ITSN2: variants seen among roughly 807,000 people sequenced by gnomAD.
The protein encoded by ITSN2 is intersectin-2.
Under a neutral mutation model 243.7 loss-of-function variants are expected in ITSN2, and 156 were observed. The ratio of observed to expected loss-of-function variants is 0.64; its 90% CI spans 0.56 to 0.73. The LOEUF (loss-of-function observed/expected upper bound fraction) is 0.73, where lower values mean the gene tolerates loss of function less well. Ranked by LOEUF, ITSN2 falls within the 30% of genes least tolerant of loss-of-function variation. ITSN2 has a pLI of 0.00. For synonymous variants in ITSN2, 703 were observed against 699.9 expected (o/e 1.00, Z -0.07); for missense variants, 1,801 against 1,996.1 (o/e 0.90, Z 1.86).
chr2:24,261,307 A>T, intron 21 of ITSN2, 57 bp from the exon 22 acceptor site: 6 of 1,270,074 alleles, frequency 4.7e-6, no homozygotes, highest in Non-Finnish European at 6.7e-6. Flanking sequence ...TTAATGAAGT[A>T]CTACCAATTT....
In ITSN2 at chr2:24,210,032, TG is replaced by T. The variant is rs1243304393; in HGVS notation, c.4258del (p.Gln1420AsnfsTer76). 1 of 1,611,190 alleles carries T rather than the reference TG, an allele frequency of 6.2e-7. No individual in the cohort carries two copies. The highest frequency in any genetic ancestry group is 8.5e-7 in the Non-Finnish European group (1 of 1,177,826). ...AHVQCEGLAE[Q>X]LIFNSLTNCL... Reference sequence around the variant, plus strand: ...GTTGGTGAGAGAGTTGAAAATAAGTTGCTTAAAGAGAAAGAAAATTTCACTT... The same window carrying T: ...GTTGGTGAGAGAGTTGAAAATAAGTTCTTAAAGAGAAAGAAAATTTCACTT... On this transcript the variant is annotated frameshift_variant and splice_region_variant, in exon 35 of 40. Coordinates refer to ENST00000355123, the MANE Select transcript of ITSN2 (RefSeq NM_006277.3). LOFTEE classifies it high-confidence loss of function.
At chr2:24,281,804 A>C (rs1489005346) in intron 17 of ITSN2, among the ~76,000 whole-genome samples, 4 of 152,202 alleles carry the variant, frequency 2.6e-5, no homozygotes, top group African/African-American at 9.6e-5. Flanking sequence ...ACCTTGCCTC[A>C]TTAGGCCATC....
chr2:24,328,282 G>A (rs1467244734), intron 1 of ITSN2, among the ~76,000 whole-genome samples, 167 bp from the exon 2 acceptor site: 1 of 152,188 alleles, frequency 6.6e-6, no homozygotes, highest in Non-Finnish European at 1.5e-5. Context: ...ATTTGAGGAA[G>A]GGTAAGAGAT....
At chr2:24,208,153 T>C (rs1669100229) in intron 37 of ITSN2, 84 bp downstream of exon 37, 5 of 1,170,100 alleles carry the variant, frequency 4.3e-6, no homozygotes, top group Non-Finnish European at 6.3e-6. Flanking sequence ...CCCGTCCCTA[T>C]ATCATCAGCC....
At chr2:24,209,762 A>AT in intron 35 of ITSN2, 56 bp downstream of exon 35, 2 of 1,406,744 alleles carry the variant, frequency 1.4e-6, no homozygotes, top group Admixed American at 3.4e-5. Flanking sequence ...AGGCCTTAAG[A>AT]TAGAGGCAAC....
rs2151319003 is a variant in ITSN2, at chr2:24,251,435, G to GTGTGTATATATATGTGTATATA, written c.3120+888_3120+909dup. Among the ~76,000 whole-genome samples the GTGTGTATATATATGTGTATATA allele has an allele frequency of 5.9e-4, 2 of 3,368 alleles. 1 individual carries two copies. The highest frequency in any genetic ancestry group is 2.1e-3 in the African/African-American group (2 of 972). The allele number at this position is 3,368 out of a possible 152,430, so 2.2% of individuals were successfully genotyped here. A position where few individuals can be genotyped will look rare whatever the true frequency, so the allele number is the denominator to read the frequency against. On this transcript the variant is annotated intron_variant, in intron 25 of 39. Coordinates refer to ENST00000355123, the MANE Select transcript of ITSN2 (RefSeq NM_006277.3). ...TGTGTATATATATGTGTATATATAT[G>GTGTGTATATATATGTGTATATA]TGTGTATATATATGTGTATATATGT...
intron 29 of ITSN2, 154 bp from the exon 30 acceptor site, chr2:24,221,220 G>A (rs1041163578): frequency 6.4e-5 from 46 of 717,386 alleles, no homozygotes; most frequent in Non-Finnish European, 9.3e-5. Flanking sequence ...AGCAGCATGC[G>A]TACGCGGAGA....
intron 30 of ITSN2, among the ~76,000 whole-genome samples, chr2:24,220,068 G>A (rs904107355): frequency 2.6e-5 from 4 of 152,152 alleles, no homozygotes; most frequent in African/African-American, 9.7e-5. Flanking sequence ...TTCCATGTCT[G>A]GATATCCCAG....
chr2:24,246,392 TCCCTA>T, intron 28 of ITSN2, 72 bp from the exon 29 acceptor site: 1 of 792,632 alleles, frequency 1.3e-6, no homozygotes, highest in Middle Eastern at 2.8e-4. Flanking sequence ...ATTTGTAATC[TCCCTA>T]GGATTTAAAT....
chr2:24,298,306 C>T (rs1681254839), intron 13 of ITSN2, among the ~76,000 whole-genome samples: 1 of 152,144 alleles, frequency 6.6e-6, no homozygotes, highest in Admixed American at 6.5e-5. Context: ...TACAGGCGCA[C>T]ACCACCACTC....
rs751653487 is a variant in ITSN2, at chr2:24,203,679, C to G, written c.5041G>C (p.Glu1681Gln). The G allele has an allele frequency of 6.2e-7, 1 of 1,614,166 alleles. No homozygotes were observed. The highest frequency in any genetic ancestry group is 8.5e-7 in the Non-Finnish European group (1 of 1,180,038). ...TGCAGGTCAAAACGGACCCAGACCT[C>G]CCCGGTGGGGACCTCATGCAGCAGC... ...RLLLHEVPTG[E>Q]VWVRFDLQLF... The change falls in exon 40 of 40, where the codon GAG becomes CAG. Residue 1681 changes from glutamate (E) to glutamine (Q), a missense_variant. Physicochemically the swap from Glu to Gln is conservative, Grantham distance 29. This residue lies in a region of ITSN2 where 928 missense variants were observed against 1,065.4 expected (regional missense o/e 0.87). Transcript: ENST00000355123.
chr2:24,308,227 CAG>C (rs1682803517), intron 8 of ITSN2, among the ~76,000 whole-genome samples: 1 of 152,176 alleles, frequency 6.6e-6, no homozygotes, highest in African/African-American at 2.4e-5. Flanking sequence ...GTTATATAAA[CAG>C]AGAAAAAGCC....
intron 21 of ITSN2, 85 bp downstream of exon 21, chr2:24,261,476 T>C: frequency 8.9e-7 from 1 of 1,119,224 alleles, no homozygotes; most frequent in Non-Finnish European, 1.3e-6. Flanking sequence ...TACACTATGA[T>C]GAAGTAGTAG....
At chr2:24,257,605 T>C (rs560933870) in intron 23 of ITSN2, among the ~76,000 whole-genome samples, 180 of 151,974 alleles carry the variant, frequency 1.2e-3, no homozygotes, top group African/African-American at 3.7e-3. Context: ...TACAGGCATG[T>C]ACCACCATGC....
intron 17 of ITSN2, among the ~76,000 whole-genome samples, chr2:24,281,096 T>C (rs925579621): frequency 1.3e-5 from 2 of 152,198 alleles, no homozygotes; most frequent in Admixed American, 6.5e-5. Context: ...TGGTGTAACC[T>C]TGCCTCACTG....
intron 17 of ITSN2, among the ~76,000 whole-genome samples, chr2:24,281,374 A>C (rs532054989): frequency 6.6e-6 from 1 of 152,100 alleles, no homozygotes. Flanking sequence ...GTTGACTCCC[A>C]TCATTCTCTT....
At chr2:24,222,696 A>T (rs2151158457) in intron 29 of ITSN2, among the ~76,000 whole-genome samples, 2 of 111,158 alleles carry the variant, frequency 1.8e-5, no homozygotes, top group East Asian at 5.0e-4. Context: ...TTTTTTGGAG[A>T]CAGAGTCTCC....
chr2:24,341,946 T>C (rs1393303219), intron 1 of ITSN2, among the ~76,000 whole-genome samples: 1 of 152,010 alleles, frequency 6.6e-6, no homozygotes, highest in Non-Finnish European at 1.5e-5. Context: ...AAACTATTTT[T>C]AGACAAAAAA....
At chr2:24,222,992 T>G (rs531399147) in intron 29 of ITSN2, among the ~76,000 whole-genome samples, 1 of 152,304 alleles carries the variant, frequency 6.6e-6, no homozygotes, top group South Asian at 2.1e-4. Context: ...TATTCTTAAA[T>G]AAATATCACT....
Sources: allele counts gnomAD v4.1 joint callset (sites outside exome capture counted in the v4.1 genomes callset), GRCh38; gene constraint gnomAD v4.1.1; regional missense constraint gnomAD v4.1.1; transcripts MANE v1.5; gene names NCBI Gene and HGNC (gene_info 2026-07-23, HGNC 2026-07-21).